SIPA1L1: variants seen among roughly 807,000 people sequenced by gnomAD.
SIPA1L1 encodes signal induced proliferation associated 1 like 1.
A neutral mutation model predicts 162.7 loss-of-function variants in SIPA1L1; 26 were observed. The ratio of observed to expected loss-of-function variants is 0.16; its 90% CI spans 0.12 to 0.22. The LOEUF (loss-of-function observed/expected upper bound fraction) is 0.22, where lower values mean the gene tolerates loss of function less well. Among genes scored for constraint, SIPA1L1 ranks in the 10% least tolerant of loss-of-function variants. The pLI is 1.00. For missense variants in SIPA1L1, 1,874 were observed against 2,241.0 expected (o/e 0.84, Z 3.31); for synonymous variants, 829 against 837.4 (o/e 0.99, Z 0.17).
chr14:71,453,716 G>A (rs1178653836), intron 2 of SIPA1L1, among the ~76,000 whole-genome samples: 6 of 152,064 alleles, frequency 3.9e-5, no homozygotes, highest in East Asian at 3.9e-4. Flanking sequence ...GGAGGAGGCC[G>A]GGTGCAGTGG....
At chr14:71,586,522 A>G (rs2034629519) in intron 4 of SIPA1L1, 1 of 152,150 alleles carries the variant, frequency 6.6e-6, no homozygotes, top group Non-Finnish European at 1.5e-5. Context: ...GCAAGAATTT[A>G]AAGGCCACCT....
chr14:71,330,727 G>A (rs532176869), intron 2 of SIPA1L1: 34 of 861,602 alleles, frequency 3.9e-5, no homozygotes, highest in African/African-American at 6.6e-5. Flanking sequence ...GAAAACCACC[G>A]GGTAGTCATC....
At chr14:71,607,852 C>G (rs1015870952) in intron 5 of SIPA1L1, among the ~76,000 whole-genome samples, 1 of 152,132 alleles carries the variant, frequency 6.6e-6, no homozygotes, top group Non-Finnish European at 1.5e-5. Flanking sequence ...TTCCATATTC[C>G]AGTGAGTTTC....
intron 19 of SIPA1L1, among the ~76,000 whole-genome samples, chr14:71,729,849 G>A (rs575184040): frequency 6.6e-6 from 1 of 152,350 alleles, no homozygotes; most frequent in South Asian, 2.1e-4. Context: ...CTGATAGACT[G>A]CAGGCAGCAT....
At chr14:71,712,770 A>C (rs537488299) in intron 17 of SIPA1L1, among the ~76,000 whole-genome samples, 1 of 152,188 alleles carries the variant, frequency 6.6e-6, no homozygotes, top group Non-Finnish European at 1.5e-5. Flanking sequence ...TAAAAACCCT[A>C]CCTCATGCTT....
chr14:71,708,116 T>G (rs1410828122), intron 16 of SIPA1L1, among the ~76,000 whole-genome samples: 2 of 151,416 alleles, frequency 1.3e-5, no homozygotes, highest in Non-Finnish European at 2.9e-5. Flanking sequence ...AGTTTTAAAT[T>G]TTTATGAAGT....
At chr14:71,713,828 C>T (rs1259667363) in intron 17 of SIPA1L1, among the ~76,000 whole-genome samples, 5 of 152,062 alleles carry the variant, frequency 3.3e-5, no homozygotes, top group African/African-American at 2.4e-5. Flanking sequence ...GAAGTTACTC[C>T]GTTGTCTTTA....
At position 71,327,650 on chromosome 14, in the gene SIPA1L1, C is replaced by T. The variant is rs1042602838; in HGVS notation, c.-465+6469C>T. ...GAGTCAGTTTTTTTCCATATTCTTG[C>T]AAGAATCATGGGGCTGTGGCTCTGA... On this transcript the variant is annotated intron_variant, in intron 2 of 23. Transcript: ENST00000381232. Among the ~76,000 whole-genome samples the T allele has an allele frequency of 2.6e-5, 4 of 152,154 alleles. No individual in the cohort carries two copies. In the South Asian group the frequency reaches 8.3e-4, roughly 32 times the overall value.
chr14:71,459,325 G>A (rs978009355), intron 2 of SIPA1L1, among the ~76,000 whole-genome samples: 1 of 152,090 alleles, frequency 6.6e-6, no homozygotes, highest in Non-Finnish European at 1.5e-5. Flanking sequence ...TAGGTAACAC[G>A]ACGGTATAGT....
At chr14:71,470,841 T>A (rs1166043553) in intron 2 of SIPA1L1, among the ~76,000 whole-genome samples, 3 of 152,004 alleles carry the variant, frequency 2.0e-5, no homozygotes, top group Non-Finnish European at 4.4e-5. Flanking sequence ...TTATTTTGTT[T>A]TGTTTTGTTT....
At chr14:71,356,375 T>C (rs368127769) in intron 2 of SIPA1L1, among the ~76,000 whole-genome samples, 3 of 151,132 alleles carry the variant, frequency 2.0e-5, no homozygotes, top group East Asian at 1.9e-4. Context: ...TTATAAGCAG[T>C]ATAATAGTAA....
chr14:71,517,720 A>G (rs1490765634), intron 3 of SIPA1L1, among the ~76,000 whole-genome samples: 1 of 152,154 alleles, frequency 6.6e-6, no homozygotes, highest in Non-Finnish European at 1.5e-5. Context: ...TAGTCAAGCT[A>G]GTAGTGTGAA....
intron 2 of SIPA1L1, among the ~76,000 whole-genome samples, chr14:71,340,558 C>CTTTCCGATGCTCCCCTAGT (rs1160199189): frequency 3.3e-5 from 5 of 152,296 alleles, no homozygotes; most frequent in African/African-American, 9.6e-5. Context: ...GCTTCCCTAG[C>CTTTCCGATGCTCCCCTAGT]TTTCCGATGC....
At chr14:71,522,972 C>T (rs1199232923) in intron 3 of SIPA1L1, among the ~76,000 whole-genome samples, 1 of 152,170 alleles carries the variant, frequency 6.6e-6, no homozygotes, top group Non-Finnish European at 1.5e-5. Flanking sequence ...TGCACCCGAC[C>T]TTACTCTCTC....
chr14:71,501,400 C>T (rs2050202863), intron 2 of SIPA1L1, among the ~76,000 whole-genome samples: 1 of 152,030 alleles, frequency 6.6e-6, no homozygotes, highest in Admixed American at 6.6e-5. Context: ...TTTTGCTTTC[C>T]ATAGCAACAA....
Position 71,450,381 on chromosome 14 carries a change from A to G in SIPA1L1, c.-464-62362A>G, listed in dbSNP as rs1050576191. Among the ~76,000 whole-genome samples the G allele has an allele frequency of 2.6e-5, 4 of 152,294 alleles. 1 individual carries two copies. The highest frequency in any genetic ancestry group is 2.6e-4 in the Admixed American group (4 of 15,292). ...ACTCATTTATATAAAAGGATTTAAAATCTTTGTAATAAACCTGTTCATTAA... is the reference window on the plus strand; with the variant it reads ...ACTCATTTATATAAAAGGATTTAAAGTCTTTGTAATAAACCTGTTCATTAA... On this transcript the variant is annotated intron_variant, in intron 2 of 23. Transcript: ENST00000381232.
At chr14:71,389,801 C>T (rs952494772) in intron 2 of SIPA1L1, among the ~76,000 whole-genome samples, 2 of 152,178 alleles carry the variant, frequency 1.3e-5, no homozygotes, top group Admixed American at 1.3e-4. Context: ...CCACCCTTTC[C>T]TCGGTCTGAC....
At chr14:71,615,491 A>G (rs1201168110) in intron 5 of SIPA1L1, among the ~76,000 whole-genome samples, 1 of 152,212 alleles carries the variant, frequency 6.6e-6, no homozygotes, top group African/African-American at 2.4e-5. Context: ...ATGATAGGAT[A>G]AATCAGTGGC....
intron 6 of SIPA1L1, among the ~76,000 whole-genome samples, chr14:71,619,743 G>GCATTTGGC (rs550676722): frequency 8.3e-4 from 126 of 152,222 alleles, no homozygotes; most frequent in African/African-American, 2.9e-3. Flanking sequence ...TTTAAATAGG[G>GCATTTGGC]CATTTGGCTT....
Sources: allele counts gnomAD v4.1 joint callset (sites outside exome capture counted in the v4.1 genomes callset), GRCh38; gene constraint gnomAD v4.1.1; transcripts MANE v1.5; gene names NCBI Gene and HGNC (gene_info 2026-07-23, HGNC 2026-07-21).